The following PTPRD variants were observed in gnomAD, a reference collection of about 807,000 sequenced individuals.
PTPRD encodes the protein protein tyrosine phosphatase receptor type D.
In PTPRD, 34 loss-of-function variants were observed where a neutral mutation model predicts 214.5. The ratio of observed to expected loss-of-function variants is 0.16; its 90% CI spans 0.12 to 0.21. The LOEUF is 0.21. Among genes scored for constraint, PTPRD ranks in the 10% least tolerant of loss-of-function variants. The pLI is 1.00. For missense variants in PTPRD, 2,545 were observed against 2,398.7 expected (o/e 1.06, Z -1.27); for synonymous variants, 1,128 against 845.7 (o/e 1.33, Z -5.79).
At chr9:10,264,512 C>T (rs1413992656) in intron 3 of PTPRD, among the ~76,000 whole-genome samples, 2 of 152,208 alleles carry the variant, frequency 1.3e-5, no homozygotes, top group Middle Eastern at 3.4e-3. Flanking sequence ...TTGCATGGGG[C>T]CTTTAGTCCC....
chr9:9,791,376 G>C (rs907728490), intron 5 of PTPRD, among the ~76,000 whole-genome samples: 6 of 152,086 alleles, frequency 3.9e-5, no homozygotes, highest in Non-Finnish European at 7.4e-5. Context: ...GATGGTAAAT[G>C]TAAGAAGTTT....
In PTPRD at chr9:10,084,318, T is replaced by C. The variant is rs535104195; in HGVS notation, c.-544-50528A>G. Among the ~76,000 whole-genome samples, 66 of 152,108 alleles carry C rather than the reference T, an allele frequency of 4.3e-4. 1 individual carries two copies. The South Asian group carries it at 0.013, about 30-fold the overall frequency. ...AATCCTTCTGTAATGTTAGTTACTA[T>C]GTTGGAAATCTATAGCTAACTTTCA... On this transcript the variant is annotated intron_variant, in intron 3 of 45. Coordinates refer to ENST00000381196, the MANE Select transcript of PTPRD (RefSeq NM_002839.4).
At chr9:10,289,705 A>T (rs1259603772) in intron 3 of PTPRD, among the ~76,000 whole-genome samples, 1 of 152,232 alleles carries the variant, frequency 6.6e-6, no homozygotes, top group African/African-American at 2.4e-5. Context: ...GCTAAATAGG[A>T]AATCTTGCCA....
intron 7 of PTPRD, among the ~76,000 whole-genome samples, chr9:9,576,589 C>T (rs573797536): frequency 7.2e-5 from 11 of 152,062 alleles, no homozygotes; most frequent in Non-Finnish European, 1.3e-4. Flanking sequence ...TTCTTTCTTG[C>T]CCTCCCTTTT....
intron 7 of PTPRD, among the ~76,000 whole-genome samples, chr9:9,709,136 C>T (rs566942607): frequency 2.4e-4 from 36 of 152,012 alleles, no homozygotes; most frequent in African/African-American, 8.7e-4. Flanking sequence ...TGTGGTTTTG[C>T]AAGATTCAAA....
chr9:8,888,317 G>C (rs148460337), intron 11 of PTPRD, among the ~76,000 whole-genome samples: 154 of 152,186 alleles, frequency 1.0e-3, no homozygotes, highest in African/African-American at 3.4e-3. Flanking sequence ...TTTTAAAAGT[G>C]CTTTTACATT....
chr9:9,816,649 G>C (rs1255988804), intron 5 of PTPRD, among the ~76,000 whole-genome samples: 1 of 151,928 alleles, frequency 6.6e-6, no homozygotes, highest in Non-Finnish European at 1.5e-5. Flanking sequence ...TGGAAAAAGG[G>C]AAGACCTTTT....
chr9:10,278,814 G>T (rs188168840), intron 3 of PTPRD, among the ~76,000 whole-genome samples: 1 of 151,318 alleles, frequency 6.6e-6, no homozygotes, highest in Non-Finnish European at 1.5e-5. Flanking sequence ...TCGCTCTGTT[G>T]CCCAGGCTGG....
rs376987462 is a variant in PTPRD, at chr9:9,649,080, G to A, written c.-286-74299C>T. On this transcript the variant is annotated intron_variant, in intron 7 of 45. Coordinates refer to ENST00000381196, the MANE Select transcript of PTPRD (RefSeq NM_002839.4). ...CCAGGGGAATTGGGCGAGAGTTTGG[G>A]AGGTAGTAAACAAACCAAGACGCAG... 3.9e-5 allele frequency among the ~76,000 whole-genome samples: 6 copies of A among 152,096 alleles called. No individual in the cohort carries two copies. In the East Asian group the frequency reaches 5.8e-4, roughly 15 times the overall value.
intron 11 of PTPRD, among the ~76,000 whole-genome samples, chr9:8,790,118 G>A (rs2096164100): frequency 1.3e-5 from 2 of 152,066 alleles, no homozygotes; most frequent in South Asian, 2.1e-4. Flanking sequence ...TTGGGCTCAA[G>A]CAATCCTCCC....
At chr9:10,103,053 A>G (rs2098576679) in intron 3 of PTPRD, among the ~76,000 whole-genome samples, 1 of 151,652 alleles carries the variant, frequency 6.6e-6, no homozygotes, top group African/African-American at 2.4e-5. Flanking sequence ...GTTAAATTTA[A>G]TAATGTAAAC....
intron 11 of PTPRD, among the ~76,000 whole-genome samples, chr9:8,785,780 C>T (rs1437184489): frequency 6.6e-6 from 1 of 152,134 alleles, no homozygotes; most frequent in Non-Finnish European, 1.5e-5. Flanking sequence ...AAGCTTCAAA[C>T]TAGGGTAGCT....
intron 11 of PTPRD, among the ~76,000 whole-genome samples, chr9:8,826,813 AT>A (rs2154528455): frequency 6.6e-6 from 1 of 152,200 alleles, no homozygotes; most frequent in South Asian, 2.1e-4. Flanking sequence ...AAATATTAAA[AT>A]TTAGAGCCTT....
intron 11 of PTPRD, among the ~76,000 whole-genome samples, chr9:8,915,468 G>A (rs994960855): frequency 6.6e-6 from 1 of 152,084 alleles, no homozygotes. Context: ...CCAGAAGATC[G>A]GAACAATGTG....
intron 7 of PTPRD, among the ~76,000 whole-genome samples, chr9:9,619,552 A>G (rs1367103445): frequency 2.0e-5 from 3 of 146,490 alleles, no homozygotes; most frequent in African/African-American, 7.4e-5. Context: ...GAAATTCCAT[A>G]TATTATCTAA....
At chr9:9,770,420 A>C (rs369089016) in intron 5 of PTPRD, among the ~76,000 whole-genome samples, 2 of 152,190 alleles carry the variant, frequency 1.3e-5, no homozygotes, top group East Asian at 1.9e-4. Context: ...CCAAAATAAC[A>C]ACTGAACTTC....
chr9:8,500,907 G>A lies in PTPRD; in HGVS notation c.1975C>T (p.Pro659Ser), dbSNP rs2136970622. 1.2e-6 allele frequency: 2 copies of A among 1,614,114 alleles called. No individual in the cohort carries two copies. Among genetic ancestry groups the A allele is most frequent in the Non-Finnish European group, 1.7e-6 (2 of 1,180,014 alleles). Residue 659 changes from proline to serine, a missense_variant, in exon 24 of 46, where the codon CCT becomes TCT. Transcript: ENST00000381196. The part of the protein sequence containing the change: ...YTAVDGEDDK[P>S]HEILGIPSDT... ...GAAGGAATTCCCAAAATCTCGTGAG[G>A]CTTGTCATCTTCCCCATCCACTGCA...
At chr9:8,344,857 G>A (rs1406058419) in intron 39 of PTPRD, among the ~76,000 whole-genome samples, 1 of 150,976 alleles carries the variant, frequency 6.6e-6, no homozygotes, top group Non-Finnish European at 1.5e-5. Context: ...TAATTTTCTA[G>A]TGAGTCTAAT....
chr9:10,284,511 T>C (rs769115672), intron 3 of PTPRD, among the ~76,000 whole-genome samples: 15 of 152,236 alleles, frequency 9.9e-5, no homozygotes, highest in Non-Finnish European at 2.1e-4. Context: ...AAGAGATCAC[T>C]TAATAGTTTT....
Sources: allele counts gnomAD v4.1 joint callset (sites outside exome capture counted in the v4.1 genomes callset), GRCh38; gene constraint gnomAD v4.1.1; transcripts MANE v1.5; gene names NCBI Gene and HGNC (gene_info 2026-07-23, HGNC 2026-07-21).